PTPRD: variants seen among roughly 807,000 people sequenced by gnomAD.
PTPRD encodes the protein receptor-type tyrosine-protein phosphatase delta.
A neutral mutation model predicts 214.5 loss-of-function variants in PTPRD; 34 were observed. That is an observed-to-expected ratio of 0.16 (90% CI 0.12 to 0.21). The LOEUF (loss-of-function observed/expected upper bound fraction) is 0.21. Among genes scored for constraint, PTPRD ranks in the 10% least tolerant of loss-of-function variants. The pLI is 1.00. For missense variants in PTPRD, 2,545 were observed against 2,398.7 expected (o/e 1.06, Z -1.27); for synonymous variants, 1,128 against 845.7 (o/e 1.33, Z -5.79).
chr9:10,391,375 A>C (rs2098061687), intron 2 of PTPRD, among the ~76,000 whole-genome samples: 1 of 151,618 alleles, frequency 6.6e-6, no homozygotes, highest in Non-Finnish European at 1.5e-5. Flanking sequence ...GCCTAATATA[A>C]TGTTTTTCCG....
At chr9:9,433,117 G>C (rs1298235111) in intron 8 of PTPRD, among the ~76,000 whole-genome samples, 1 of 152,118 alleles carries the variant, frequency 6.6e-6, no homozygotes, top group Non-Finnish European at 1.5e-5. Flanking sequence ...AGAAGAAAAA[G>C]TAAAGAAAGT....
chr9:9,163,566 T>C (rs76161267), intron 10 of PTPRD, among the ~76,000 whole-genome samples: 1 of 152,062 alleles, frequency 6.6e-6, no homozygotes, highest in African/African-American at 2.4e-5. Context: ...TCTTCCTAAT[T>C]GGCCTTTTTT....
chr9:9,819,923 C>G (rs2050134208), intron 5 of PTPRD, among the ~76,000 whole-genome samples: 1 of 152,080 alleles, frequency 6.6e-6, no homozygotes, highest in South Asian at 2.1e-4. Context: ...GATTCCATAT[C>G]TTTGCTATTG....
At chr9:10,132,624 A>G (rs1323257067) in intron 3 of PTPRD, among the ~76,000 whole-genome samples, 1 of 152,222 alleles carries the variant, frequency 6.6e-6, no homozygotes, top group African/African-American at 2.4e-5. Flanking sequence ...CTGCTATGCT[A>G]AGAATATCTG....
At chr9:8,858,778 G>C (rs1049624992) in intron 11 of PTPRD, among the ~76,000 whole-genome samples, 3 of 148,996 alleles carry the variant, frequency 2.0e-5, no homozygotes, top group East Asian at 2.0e-4. Context: ...GCAGGCAGGA[G>C]AGGTGGGTGA....
intron 11 of PTPRD, among the ~76,000 whole-genome samples, chr9:8,845,694 A>C (rs1330284105): frequency 6.6e-6 from 1 of 152,228 alleles, no homozygotes; most frequent in African/African-American, 2.4e-5. Flanking sequence ...AGCTCAACAT[A>C]AACAAGAGGC....
chr9:8,562,136 G>C (rs557932020), intron 14 of PTPRD, among the ~76,000 whole-genome samples: 34 of 152,146 alleles, frequency 2.2e-4, no homozygotes, highest in Non-Finnish European at 4.3e-4. Context: ...GACAGTGACA[G>C]ATTCTGATTT....
chr9:10,340,134 G>T (rs750413793), intron 3 of PTPRD, among the ~76,000 whole-genome samples: 7 of 151,748 alleles, frequency 4.6e-5, no homozygotes, highest in Non-Finnish European at 8.8e-5. Flanking sequence ...AGTTAAAGTA[G>T]CCTCTGTCTT....
At chr9:9,189,236 T>C (rs2099933586) in intron 9 of PTPRD, among the ~76,000 whole-genome samples, 1 of 151,948 alleles carries the variant, frequency 6.6e-6, no homozygotes, top group Admixed American at 6.6e-5. Context: ...TCAGGAAAAA[T>C]CATGGAATTT....
At chr9:8,518,470 C>T (rs3763652) in intron 20 of PTPRD, 41 bp from the exon 21 acceptor site, 2 of 1,353,808 alleles carry the variant, frequency 1.5e-6, no homozygotes, top group Admixed American at 4.5e-5. Flanking sequence ...TACCCATCAT[C>T]CCTATAATAT....
At chr9:8,494,007 G>GACACACACACACACAC (rs761859777) in intron 26 of PTPRD, among the ~76,000 whole-genome samples, 2 of 91,580 alleles carry the variant, frequency 2.2e-5, no homozygotes, top group Non-Finnish European at 5.0e-5. Context: ...CAGACACACA[G>GACACACACACACACAC]ACACACACAC....
At chr9:9,227,003 A>T (rs1167209636) in intron 9 of PTPRD, among the ~76,000 whole-genome samples, 2 of 152,076 alleles carry the variant, frequency 1.3e-5, no homozygotes, top group Non-Finnish European at 2.9e-5. Flanking sequence ...CTTCTATTTC[A>T]TATTTATATG....
intron 12 of PTPRD, among the ~76,000 whole-genome samples, chr9:8,671,999 G>A (rs1424306490): frequency 6.6e-6 from 1 of 152,212 alleles, no homozygotes; most frequent in Non-Finnish European, 1.5e-5. Context: ...ACATTCATGG[G>A]TACAAAATGT....
intron 11 of PTPRD, among the ~76,000 whole-genome samples, chr9:8,867,120 C>A (rs1415074859): frequency 6.6e-5 from 10 of 152,088 alleles, no homozygotes; most frequent in Non-Finnish European, 1.0e-4. Context: ...TGAGTTAAGA[C>A]CAATATGAAG....
intron 8 of PTPRD, among the ~76,000 whole-genome samples, chr9:9,483,573 T>C (rs2382017): frequency 0.19 from 28,747 of 151,922 alleles, 2,823 homozygotes; most frequent in Non-Finnish European, 0.21. Context: ...CTTGTGGGTA[T>C]TGGTTGGGAG....
intron 7 of PTPRD, among the ~76,000 whole-genome samples, chr9:9,595,857 T>G (rs985251980): frequency 1.3e-5 from 2 of 151,862 alleles, no homozygotes; most frequent in African/African-American, 4.8e-5. Context: ...TACTGCTCAA[T>G]GATAGGTACA....
intron 4 of PTPRD, among the ~76,000 whole-genome samples, chr9:9,972,043 T>C (rs767340915): frequency 1.6e-4 from 24 of 152,210 alleles, no homozygotes; most frequent in Non-Finnish European, 3.5e-4. Flanking sequence ...TCTGAATGAA[T>C]TGCACTTTTC....
At chr9:9,091,339 G>A in intron 10 of PTPRD, 1 of 787,570 alleles carries the variant, frequency 1.3e-6, no homozygotes, top group Non-Finnish European at 2.2e-6. Flanking sequence ...TTAAATAGCT[G>A]CGTATTTTTC....
chr9:9,014,005 A>G (rs1209218464), intron 11 of PTPRD, among the ~76,000 whole-genome samples: 1 of 149,242 alleles, frequency 6.7e-6, no homozygotes, highest in Non-Finnish European at 1.5e-5. Flanking sequence ...TGGCTGCTGC[A>G]TTTTTGTCTA....
Sources: allele counts gnomAD v4.1 joint callset (sites outside exome capture counted in the v4.1 genomes callset), GRCh38; gene constraint gnomAD v4.1.1; transcripts MANE v1.5; gene names NCBI Gene and HGNC (gene_info 2026-07-23, HGNC 2026-07-21).